The following TTBK1 variants were observed in gnomAD, a reference collection of about 807,000 sequenced individuals.
The protein encoded by TTBK1 is tau tubulin kinase 1.
In TTBK1, 34 loss-of-function variants were observed where a neutral mutation model predicts 108.5. That is an observed-to-expected ratio of 0.31 (90% CI 0.24 to 0.42). The LOEUF (loss-of-function observed/expected upper bound fraction) is 0.42. Ranked by LOEUF, TTBK1 falls within the 10% of genes least tolerant of loss-of-function variation. The probability of loss-of-function intolerance (pLI) is 1.00; values close to 1 mark genes in which losing one functional copy is unlikely to be tolerated. For synonymous variants in TTBK1, 809 were observed against 795.1 expected (o/e 1.02, Z -0.29); for missense variants, 1,539 against 1,826.0 (o/e 0.84, Z 2.86).
rs972399235 is a variant in TTBK1 at position 43,265,706 on chromosome 6, T to C, written c.1986+2356T>C. Among the ~76,000 whole-genome samples the C allele has an allele frequency of 6.6e-6, 1 of 152,112 alleles. No homozygotes were observed. The highest frequency in any genetic ancestry group is 1.5e-5 in the Non-Finnish European group (1 of 68,028). ...CAGGCATCAGAGGTGACTTGCACAATAGGTTGTACCCGTAGGAAGTGCAGA... is the reference window on the plus strand; with the variant it reads ...CAGGCATCAGAGGTGACTTGCACAACAGGTTGTACCCGTAGGAAGTGCAGA... On this transcript the variant is annotated intron_variant, in intron 13 of 14. Coordinates refer to ENST00000259750, the MANE Select transcript of TTBK1 (RefSeq NM_032538.3). The surrounding 1 kb of genome is among the most constrained non-coding windows in gnomAD (Gnocchi z 4.1).
At chr6:43,260,886 C>A (rs983067182) in intron 12 of TTBK1, among the ~76,000 whole-genome samples, 10 of 151,998 alleles carry the variant, frequency 6.6e-5, no homozygotes, top group African/African-American at 1.9e-4. Context: ...ATTTCCCACC[C>A]CACTGTCTCC....
Position 43,283,891 on chromosome 6 carries a change from C to T in TTBK1, c.3151C>T (p.Arg1051Cys), listed in dbSNP as rs536899086. Residue 1051 changes from arginine (R) to cysteine (C), a missense_variant, in exon 14 of 15, where the codon CGC (arginine) becomes TGC (cysteine). This residue lies in a region of TTBK1 where 1,055 missense variants were observed against 1,086.5 expected (regional missense o/e 0.97). Coordinates refer to ENST00000259750, the MANE Select transcript of TTBK1 (RefSeq NM_032538.3). The surrounding 1 kb of genome is among the most constrained non-coding windows in gnomAD (Gnocchi z 8.1). ...SPRRHAMPGS[R>C]PRSRIPVLLS... The stretch of plus-strand genomic sequence containing the variant: ...CAGACGCCATGCTATGCCAGGCTCT[C>T]GCCCCAGGAGCCGTATCCCTGTCCT... 9.9e-6 allele frequency: 16 copies of T among 1,611,686 alleles called. No homozygotes were observed. In the African/African-American group the frequency reaches 1.3e-4, roughly 13 times the overall value.
At chr6:43,264,136 A>C (rs12200091) in intron 13 of TTBK1, among the ~76,000 whole-genome samples, 38,098 of 152,036 alleles carry the variant, frequency 0.25, 5,039 homozygotes, top group East Asian at 0.36. Flanking sequence ...AATCCCAGCA[A>C]TTTGGGAGGC....
Position 43,283,829 on chromosome 6 carries a change from T to A in TTBK1, c.3089T>A (p.Leu1030Gln). Residue 1030 changes from leucine (L) to glutamine (Q), a missense_variant, in exon 14 of 15, where the codon CTG becomes CAG. Leu to Gln is a moderately radical substitution (Grantham distance 113). Around this residue, in one of 5 missense-constraint regions of TTBK1, gnomAD observed 1,055 missense variants for 1,086.5 expected, o/e 0.97. Coordinates refer to ENST00000259750, the MANE Select transcript of TTBK1 (RefSeq NM_032538.3). The surrounding 1 kb of genome is among the most constrained non-coding windows in gnomAD (Gnocchi z 8.1). ...LADGPAPVSP[L>Q]EPSPEKVATI... Reference sequence around the variant, plus strand: ...GACGGGCCAGCCCCGGTGTCCCCGCTGGAGCCAAGCCCTGAGAAAGTGGCC... The same window carrying A: ...GACGGGCCAGCCCCGGTGTCCCCGCAGGAGCCAAGCCCTGAGAAAGTGGCC... The A allele has an allele frequency of 6.2e-7, 1 of 1,611,532 alleles. No individual in the cohort carries two copies. Among genetic ancestry groups the A allele is most frequent in the Non-Finnish European group, 8.5e-7 (1 of 1,178,756 alleles).
chr6:43,253,295 G>C lies in TTBK1; in HGVS notation c.261G>C (p.Lys87Asn), dbSNP rs766291791. ...ACCTATGTCTGTGCCCCTCAGGGAA[G>C]GACCATGTGTGCAGGTTCATTGGCT... ...EVAVLKKLQG[K>N]DHVCRFIGCG... The change falls in exon 4 of 15, where the codon AAG (lysine) becomes AAC (asparagine). Residue 87 changes from lysine (K) to asparagine (N), a missense_variant. Physicochemically the swap from Lys to Asn is moderately conservative, Grantham distance 94. This residue lies in a region of TTBK1 where 155 missense variants were observed against 348.5 expected (regional missense o/e 0.44). Coordinates refer to ENST00000259750, the MANE Select transcript of TTBK1 (RefSeq NM_032538.3). This position sits in a 1 kb window ranked among gnomAD's most constrained non-coding sequence, Gnocchi z 5.8. The C allele has an allele frequency of 5.0e-6, 8 of 1,614,148 alleles. No individual in the cohort carries two copies. The highest frequency in any genetic ancestry group is 5.9e-6 in the Non-Finnish European group (7 of 1,180,016).
chr6:43,251,684 G>A (rs1194231457), intron 2 of TTBK1, among the ~76,000 whole-genome samples: 1 of 152,168 alleles, frequency 6.6e-6, no homozygotes, highest in East Asian at 1.9e-4. Context: ...TCTCACGCCT[G>A]CTTTGGGAGG....
chr6:43,255,366 T>C (rs1236606294), intron 7 of TTBK1, among the ~76,000 whole-genome samples, 186 bp from the exon 8 acceptor site: 2 of 152,156 alleles, frequency 1.3e-5, no homozygotes, highest in African/African-American at 4.8e-5. Context: ...ACGGTAGTTT[T>C]GGCTGTGGGA....
chr6:43,266,512 C>CA (rs1777679372), intron 13 of TTBK1, among the ~76,000 whole-genome samples: 2 of 152,170 alleles, frequency 1.3e-5, no homozygotes, highest in Admixed American at 6.5e-5. Flanking sequence ...GTTTTTAGCT[C>CA]AGCTGGTGAC....
At chr6:43,254,998 G>C in intron 6 of TTBK1, 51 bp from the exon 7 acceptor site, 1 of 1,564,888 alleles carries the variant, frequency 6.4e-7, no homozygotes, top group Non-Finnish European at 8.8e-7. Context: ...TTGAGAGGTG[G>C]CTGAGGTGAG....
At chr6:43,280,007 GAGAAAGCTTTCTA>G (rs1303660228) in intron 13 of TTBK1, among the ~76,000 whole-genome samples, 1 of 132,526 alleles carries the variant, frequency 7.5e-6, no homozygotes, top group Non-Finnish European at 1.8e-5. Flanking sequence ...GGAGCTTTCT[GAGAAAGCTTTCTA>G]AGAAAACTTT....
chr6:43,259,815 A>G lies in TTBK1; in HGVS notation c.1424+109A>G, dbSNP rs746160089. ...TGGCGGAGGTGGGCAGACCCTGGGA[A>G]GTGCTGAGAGGGTTATACTTGGGCC... On this transcript the variant is annotated intron_variant, in intron 12 of 14. Transcript: ENST00000259750. This position sits in a 1 kb window ranked among gnomAD's most constrained non-coding sequence, Gnocchi z 6.7. 8.4e-7 allele frequency: 1 copy of G among 1,185,608 alleles called. No homozygotes were observed. Among genetic ancestry groups the G allele is most frequent in the South Asian group, 1.7e-5 (1 of 60,352 alleles). 73.4% of individuals were successfully genotyped at this position (1,185,608 alleles called of 1,614,324 possible).
At chr6:43,277,872 C>T (rs2651191) in intron 13 of TTBK1, among the ~76,000 whole-genome samples, 54 of 152,160 alleles carry the variant, frequency 3.5e-4, no homozygotes, top group Middle Eastern at 3.4e-3. Flanking sequence ...TTCTTCCCTA[C>T]TGGAGGAGAG....
intron 10 of TTBK1, 135 bp from the exon 11 acceptor site, chr6:43,258,903 A>G: frequency 3.2e-6 from 2 of 621,718 alleles, no homozygotes; most frequent in African/African-American, 1.9e-5. Flanking sequence ...GCCTAGGGAC[A>G]CTCTCACCCC....
intron 10 of TTBK1, among the ~76,000 whole-genome samples, chr6:43,258,601 A>G (rs1777439917): frequency 6.6e-6 from 1 of 152,100 alleles, no homozygotes; most frequent in East Asian, 1.9e-4. Context: ...GATTAAATAA[A>G]AAAAAAATTT....
At position 43,262,804 on chromosome 6, in the gene TTBK1, G is replaced by A; in HGVS notation, c.1440G>A (p.Leu480=). The A allele has an allele frequency of 6.4e-7, 1 of 1,573,882 alleles. No individual in the cohort carries two copies. Among genetic ancestry groups the A allele is most frequent in the South Asian group, 1.2e-5 (1 of 85,964 alleles). The change falls in exon 13 of 15, where the codon CTG becomes CTA. Residue 480 remains leucine, a synonymous_variant. Coordinates refer to ENST00000259750, the MANE Select transcript of TTBK1 (RefSeq NM_032538.3). Reference sequence around the variant, plus strand: ...GGCTTTGCAGGTCACGGATGGATCTGCCTGGCTCGCCCTCGCGCCAGGCCT... The same window carrying A: ...GGCTTTGCAGGTCACGGATGGATCTACCTGGCTCGCCCTCGCGCCAGGCCT... ...ELPERRSRMD[L]PGSPSRQACS...
rs953189053 is a variant in TTBK1, at chr6:43,263,157, G to T, written c.1793G>T (p.Arg598Leu). ...GAEPTVRPRG[R>L]SMQALAEEDL... ...GAGCCCACCGTCCGGCCCCGGGGAC[G>T]CAGCATGCAGGCGCTGGCGGAGGAG... The change falls in exon 13 of 15, where the codon CGC (arginine) becomes CTC (leucine). Residue 598 changes from arginine (R) to leucine (L), a missense_variant. Around this residue, in one of 5 missense-constraint regions of TTBK1, gnomAD observed 1,055 missense variants for 1,086.5 expected, o/e 0.97. Transcript: ENST00000259750. The surrounding 1 kb of genome is among the most constrained non-coding windows in gnomAD (Gnocchi z 4.7). 2.5e-6 allele frequency: 4 copies of T among 1,570,180 alleles called. No individual in the cohort carries two copies. The highest frequency in any genetic ancestry group is 3.5e-6 in the Non-Finnish European group (4 of 1,156,594).
At position 43,277,102 on chromosome 6, in the gene TTBK1, A is replaced by G. The variant is rs552395551; in HGVS notation, c.1987-5625A>G. Among the ~76,000 whole-genome samples, 5 of 152,306 alleles carry G rather than the reference A, an allele frequency of 3.3e-5. No homozygotes were observed. In the East Asian group the frequency reaches 7.7e-4, roughly 24 times the overall value. ...GAGACCAAGTGTCTGGTGGGACTAG[A>G]AAGCTAGGATGCCAGAGGCCTGTGA... On this transcript the variant is annotated intron_variant, in intron 13 of 14. Coordinates refer to ENST00000259750, the MANE Select transcript of TTBK1 (RefSeq NM_032538.3).
At chr6:43,270,923 AGGTGCTC>A (rs1777818269) in intron 13 of TTBK1, 1 of 985,384 alleles carries the variant, frequency 1.0e-6, no homozygotes, top group Non-Finnish European at 1.2e-6. Flanking sequence ...TCCTTCCTGT[AGGTGCTC>A]GGTCAGCCCC....
chr6:43,256,706 T>C (rs967419258), intron 9 of TTBK1, among the ~76,000 whole-genome samples: 1 of 151,972 alleles, frequency 6.6e-6, no homozygotes, highest in African/African-American at 2.4e-5. Context: ...ACCACAGCAC[T>C]CCCGCCTGGG....
Sources: allele counts gnomAD v4.1 joint callset (sites outside exome capture counted in the v4.1 genomes callset), GRCh38; gene constraint gnomAD v4.1.1; regional missense constraint gnomAD v4.1.1; non-coding constraint Gnocchi (gnomAD v3.1); transcripts MANE v1.5; gene names NCBI Gene and HGNC (gene_info 2026-07-23, HGNC 2026-07-21).